ADGRV1: variants seen among roughly 807,000 people sequenced by gnomAD.
ADGRV1 encodes G-protein coupled receptor 98.
ADGRV1 carries 359 observed loss-of-function variants against 596.2 expected under a neutral mutation model. The observed-to-expected ratio is 0.60, with a 90% CI of 0.55 to 0.66. The LOEUF (loss-of-function observed/expected upper bound fraction) is 0.66. Among genes scored for constraint, ADGRV1 ranks in the 30% least tolerant of loss-of-function variants. The pLI is 0.00. For synonymous variants in ADGRV1, 2,681 were observed against 2,679.2 expected (o/e 1.00, Z -0.02); for missense variants, 7,274 against 7,575.6 (o/e 0.96, Z 1.48).
intron 86 of ADGRV1, among the ~76,000 whole-genome samples, chr5:91,097,835 A>G (rs527682801): frequency 6.6e-5 from 10 of 152,110 alleles, no homozygotes; most frequent in South Asian, 4.2e-4. Flanking sequence ...GATCCTGAGC[A>G]TTTTTTCATG....
chr5:91,034,927 A>C (rs926621026), intron 85 of ADGRV1, among the ~76,000 whole-genome samples: 2 of 152,144 alleles, frequency 1.3e-5, no homozygotes, highest in Non-Finnish European at 1.5e-5. Context: ...GTAGGACTAC[A>C]GGCATGCTAA....
intron 76 of ADGRV1, among the ~76,000 whole-genome samples, chr5:90,827,037 T>C (rs911946132): frequency 2.0e-5 from 3 of 152,160 alleles, no homozygotes; most frequent in Non-Finnish European, 4.4e-5. Flanking sequence ...ACAAAATCTG[T>C]TTGAATCCAG....
chr5:90,665,906 C>G (rs1288620734), intron 21 of ADGRV1, among the ~76,000 whole-genome samples: 1 of 149,020 alleles, frequency 6.7e-6, no homozygotes, highest in African/African-American at 2.5e-5. Context: ...TGTTCAGTTT[C>G]CATGTAGTTG....
intron 29 of ADGRV1, among the ~76,000 whole-genome samples, chr5:90,688,680 C>T (rs975977462): frequency 6.6e-6 from 1 of 151,994 alleles, no homozygotes; most frequent in East Asian, 1.9e-4. Context: ...AAAGTTTTGG[C>T]CAAATTATCT....
intron 79 of ADGRV1, among the ~76,000 whole-genome samples, chr5:90,850,141 G>T (rs1766331315): frequency 6.6e-6 from 1 of 152,190 alleles, no homozygotes; most frequent in South Asian, 2.1e-4. Context: ...AGAATAGATT[G>T]TAACCACCTA....
chr5:90,606,403 G>A (rs907891528), intron 1 of ADGRV1, among the ~76,000 whole-genome samples: 1 of 152,152 alleles, frequency 6.6e-6, no homozygotes, highest in African/African-American at 2.4e-5. Context: ...GTACTAGGTG[G>A]TGGACAGGTA....
At chr5:91,053,801 T>G (rs1786566751) in intron 85 of ADGRV1, among the ~76,000 whole-genome samples, 1 of 152,226 alleles carries the variant, frequency 6.6e-6, no homozygotes, top group African/African-American at 2.4e-5. Flanking sequence ...CTGCATAGTG[T>G]GAGCCTCTTC....
chr5:90,589,451 C>T (rs926353649), intron 1 of ADGRV1, among the ~76,000 whole-genome samples: 6 of 151,920 alleles, frequency 3.9e-5, no homozygotes, highest in African/African-American at 1.5e-4. Context: ...TCTCCTCAAG[C>T]AATGTATTAT....
intron 38 of ADGRV1, among the ~76,000 whole-genome samples, chr5:90,708,150 C>CT (rs112866927): frequency 0.06 from 9,118 of 152,154 alleles, 359 homozygotes; most frequent in South Asian, 0.13. Context: ...ATATTGATGG[C>CT]TGGCTGATCA....
intron 87 of ADGRV1, among the ~76,000 whole-genome samples, chr5:91,117,651 G>C (rs1459058480): frequency 6.6e-6 from 1 of 152,110 alleles, no homozygotes; most frequent in Non-Finnish European, 1.5e-5. Flanking sequence ...CCTCAGTTTT[G>C]CCTTTTACTA....
intron 82 of ADGRV1, among the ~76,000 whole-genome samples, chr5:90,858,029 A>G (rs571242911): frequency 3.0e-4 from 45 of 152,342 alleles, no homozygotes; most frequent in African/African-American, 1.1e-3. Flanking sequence ...CCAAATGATC[A>G]AAGTGTGTCA....
At chr5:91,064,225 C>T (rs879318322) in intron 85 of ADGRV1, among the ~76,000 whole-genome samples, 5 of 152,174 alleles carry the variant, frequency 3.3e-5, no homozygotes, top group Non-Finnish European at 7.3e-5. Context: ...CAGTCCCTGT[C>T]CTCAAAAGAA....
intron 89 of ADGRV1, among the ~76,000 whole-genome samples, chr5:91,159,259 T>G (rs1368939588): frequency 1.3e-5 from 2 of 152,190 alleles, no homozygotes; most frequent in East Asian, 3.9e-4. Flanking sequence ...CATCACTTCT[T>G]TACAAGCATT....
chr5:90,855,342 G>GA (rs1284909751), intron 81 of ADGRV1, among the ~76,000 whole-genome samples: 2 of 151,890 alleles, frequency 1.3e-5, no homozygotes, highest in African/African-American at 2.4e-5. Flanking sequence ...ACTTGTGGAA[G>GA]AAAAAAAACA....
intron 85 of ADGRV1, among the ~76,000 whole-genome samples, chr5:91,045,319 A>G (rs1174732911): frequency 2.6e-5 from 4 of 152,318 alleles, no homozygotes; most frequent in African/African-American, 9.6e-5. Flanking sequence ...ATCCAACAAC[A>G]TATCAAAAAT....
chr5:90,581,214 C>T (rs1200036052), intron 1 of ADGRV1, among the ~76,000 whole-genome samples: 7 of 152,124 alleles, frequency 4.6e-5, no homozygotes, highest in South Asian at 2.1e-4. Context: ...TCATTTAGCT[C>T]GGAGAAGTTT....
chr5:91,075,568 G>A (rs1788781522), intron 86 of ADGRV1, among the ~76,000 whole-genome samples: 1 of 152,086 alleles, frequency 6.6e-6, no homozygotes, highest in East Asian at 1.9e-4. Context: ...GTGAATAGAA[G>A]CATTGCCCTA....
At chr5:90,767,727 A>G (rs901739491) in intron 59 of ADGRV1, among the ~76,000 whole-genome samples, 2 of 150,808 alleles carry the variant, frequency 1.3e-5, no homozygotes, top group African/African-American at 4.9e-5. Flanking sequence ...TCAACATGAG[A>G]TAGCACAGAA....
At chr5:90,745,838 T>C in intron 52 of ADGRV1, 43 bp downstream of exon 52, 1 of 1,121,692 alleles carries the variant, frequency 8.9e-7, no homozygotes, top group Non-Finnish European at 1.3e-6. Flanking sequence ...CAAAATGTTT[T>C]ATTTATTGTA....
Sources: gnomAD v4.1 joint callset for allele counts (sites outside exome capture counted in the v4.1 genomes callset) on GRCh38, gnomAD v4.1.1 for gene constraint, MANE v1.5 for transcripts, NCBI Gene and HGNC (gene_info 2026-07-23, HGNC 2026-07-21) for gene names.